The following SRBD1 variants were observed in gnomAD, a reference collection of about 807,000 sequenced individuals.
SRBD1 encodes the protein S1 RNA-binding domain-containing protein 1.
A neutral mutation model predicts 115.3 loss-of-function variants in SRBD1; 88 were observed. The observed-to-expected ratio is 0.76, with a 90% CI of 0.64 to 0.91. The LOEUF (loss-of-function observed/expected upper bound fraction) is 0.91. Ranked by LOEUF, SRBD1 falls within the 40% of genes least tolerant of loss-of-function variation. SRBD1 has a pLI of 0.00. For synonymous variants in SRBD1, 509 were observed against 407.7 expected (o/e 1.25, Z -2.99); for missense variants, 1,385 against 1,177.4 (o/e 1.18, Z -2.58).
At position 45,428,581 on chromosome 2, in the gene SRBD1, A is replaced by AATAAATAC. The variant is rs1176674382; in HGVS notation, c.2050-8688_2050-8687insGTATTTAT. ...AAATAAATAAATAAATAAATAAATAAATACATAAATAAATAAATAAGTTCT... is the reference window on the plus strand; with the variant it reads ...AAATAAATAAATAAATAAATAAATAAATAAATACATACATAAATAAATAAATAAGTTCT... On this transcript the variant is annotated intron_variant, in intron 16 of 20. Transcript: ENST00000263736. Among the ~76,000 whole-genome samples the AATAAATAC allele has an allele frequency of 2.1e-3, 310 of 150,178 alleles. 2 individuals are homozygous for AATAAATAC. The highest frequency in any genetic ancestry group is 7.4e-3 in the African/African-American group (302 of 40,898).
chr2:45,502,631 T>C (rs1337459916), intron 14 of SRBD1, among the ~76,000 whole-genome samples: 1 of 139,778 alleles, frequency 7.2e-6, no homozygotes, highest in Non-Finnish European at 1.5e-5. Context: ...AATTGAACAA[T>C]GAGAACACTT....
intron 14 of SRBD1, among the ~76,000 whole-genome samples, chr2:45,518,263 T>C (rs1269672533): frequency 1.3e-5 from 2 of 152,098 alleles, no homozygotes; most frequent in Non-Finnish European, 2.9e-5. Flanking sequence ...AATATCCAAA[T>C]TTATGTGGAA....
At chr2:45,389,719 G>A in intron 20 of SRBD1, 120 bp from the exon 21 acceptor site, 1 of 1,001,056 alleles carries the variant, frequency 1.0e-6, no homozygotes, top group Middle Eastern at 3.2e-4. Context: ...ATTAAGGGGG[G>A]ATTATAAAAG....
At position 45,477,066 on chromosome 2, in the gene SRBD1, G is replaced by C. The variant is rs753785134; in HGVS notation, c.1976C>G (p.Ala659Gly). 1 of 1,613,460 alleles carries C rather than the reference G, an allele frequency of 6.2e-7. No homozygotes were observed. Among genetic ancestry groups the C allele is most frequent in the Non-Finnish European group, 8.5e-7 (1 of 1,179,818 alleles). ...DPNLRSAVSI[A>G]RRVQDPLAEL... ...AGCTAATGGATCTTGTACACGCCTT[G>C]CTATGGAAACTGAAAAAACAGAATC... The change falls in exon 16 of 21, where the codon GCA (alanine) becomes GGA (glycine). Residue 659 changes from alanine (A) to glycine (G), a missense_variant. Coordinates refer to ENST00000263736, the MANE Select transcript of SRBD1 (RefSeq NM_018079.5).
At chr2:45,543,366 T>C (rs1327747859) in intron 14 of SRBD1, among the ~76,000 whole-genome samples, 8 of 152,200 alleles carry the variant, frequency 5.3e-5, no homozygotes, top group African/African-American at 1.9e-4. Flanking sequence ...TCAGGTTTCC[T>C]GGGGTTTATG....
Position 45,584,224 on chromosome 2 carries a change from C to T in SRBD1, c.815+1384G>A, listed in dbSNP as rs181946225. Among the ~76,000 whole-genome samples, 354 of 152,334 alleles carry T rather than the reference C, an allele frequency of 2.3e-3. 3 individuals carry two copies. In the Middle Eastern group the frequency reaches 0.024, roughly 10 times the overall value. The stretch of plus-strand genomic sequence containing the variant: ...TCTTTTCAGAAACAGGAAGAACCAG[C>T]AAACTGGGCAGACAACCCTGCATGA... On this transcript the variant is annotated intron_variant, in intron 5 of 20. Coordinates refer to ENST00000263736, the MANE Select transcript of SRBD1 (RefSeq NM_018079.5).
chr2:45,601,831 G>A, intron 3 of SRBD1, 72 bp downstream of exon 3: 1 of 1,568,074 alleles, frequency 6.4e-7, no homozygotes. Context: ...GTCCTACTCT[G>A]TAGAATAAGA....
chr2:45,397,694 TC>T (rs1418001835), intron 19 of SRBD1, among the ~76,000 whole-genome samples: 2 of 152,194 alleles, frequency 1.3e-5, no homozygotes, highest in Non-Finnish European at 2.9e-5. Flanking sequence ...GCCTTGGACT[TC>T]CAGGCTGAAG....
intron 14 of SRBD1, among the ~76,000 whole-genome samples, chr2:45,524,434 T>C (rs1379775950): frequency 6.6e-6 from 1 of 151,994 alleles, no homozygotes; most frequent in East Asian, 1.9e-4. Flanking sequence ...TTAGCACTAA[T>C]AAACATGTTC....
rs1672658209 is a variant in SRBD1 at position 45,561,322 on chromosome 2, C to G, written c.1409+1331G>C. ...CACCATATGGATATAACATAATTGG[C>G]TTAAGCAATTTACCTATTGATTAAC... On this transcript the variant is annotated intron_variant, in intron 10 of 20. Transcript: ENST00000263736. 2.0e-5 allele frequency among the ~76,000 whole-genome samples: 3 copies of G among 152,154 alleles called. No individual in the cohort carries two copies. In the South Asian group the frequency reaches 6.2e-4, roughly 32 times the overall value.
At chr2:45,504,390 A>G (rs1424998203) in intron 14 of SRBD1, among the ~76,000 whole-genome samples, 2 of 152,066 alleles carry the variant, frequency 1.3e-5, no homozygotes, top group East Asian at 3.9e-4. Context: ...GTTTTTTGCA[A>G]TTCAAAAAGA....
chr2:45,577,010 G>A (rs1292496513), intron 7 of SRBD1, among the ~76,000 whole-genome samples: 1 of 152,158 alleles, frequency 6.6e-6, no homozygotes, highest in African/African-American at 2.4e-5. Flanking sequence ...AATCATACCA[G>A]GTACTTGTTA....
chr2:45,600,041 A>G (rs1674043902), intron 3 of SRBD1, among the ~76,000 whole-genome samples: 1 of 152,218 alleles, frequency 6.6e-6, no homozygotes, highest in African/African-American at 2.4e-5. Flanking sequence ...TGAAGAGATT[A>G]GAGGTTGGCA....
chr2:45,476,419 A>G (rs1669803906), intron 16 of SRBD1, among the ~76,000 whole-genome samples: 1 of 152,202 alleles, frequency 6.6e-6, no homozygotes, highest in South Asian at 2.1e-4. Context: ...GACAAGGAGG[A>G]AAACAATGTG....
chr2:45,486,066 A>G (rs1026347481), intron 15 of SRBD1, among the ~76,000 whole-genome samples: 3 of 152,244 alleles, frequency 2.0e-5, no homozygotes, highest in Non-Finnish European at 4.4e-5. Flanking sequence ...AATTAGAGTA[A>G]TTAGAATCAT....
In SRBD1 at chr2:45,578,577, T is replaced by G. The variant is rs569151979; in HGVS notation, c.1072+1298A>C. Among the ~76,000 whole-genome samples the G allele has an allele frequency of 2.3e-4, 35 of 152,288 alleles. No individual in the cohort carries two copies. In the Middle Eastern group the frequency reaches 0.01, roughly 44 times the overall value. ...TATGTAAAATAAAAACAGGCTATAG[T>G]ATGCTATAATTTTCTACAGATTAGT... On this transcript the variant is annotated intron_variant, in intron 7 of 20. Transcript: ENST00000263736.
intron 14 of SRBD1, among the ~76,000 whole-genome samples, chr2:45,536,087 T>C (rs1464664436): frequency 1.3e-5 from 2 of 152,042 alleles, no homozygotes; most frequent in African/African-American, 4.8e-5. Flanking sequence ...CTAATCTTTT[T>C]CTGGTTGCAA....
At chr2:45,491,488 T>C (rs185985486) in intron 14 of SRBD1, among the ~76,000 whole-genome samples, 6 of 152,264 alleles carry the variant, frequency 3.9e-5, no homozygotes, top group Non-Finnish European at 7.4e-5. Context: ...TTATAGATTA[T>C]TACAGTACTC....
At chr2:45,546,608 C>A (rs1192724875) in intron 14 of SRBD1, 124 bp downstream of exon 14, 4 of 951,300 alleles carry the variant, frequency 4.2e-6, no homozygotes, top group Non-Finnish European at 6.4e-6. Context: ...CTCATGAACA[C>A]CAAGAGGTGG....
Sources: allele counts gnomAD v4.1 joint callset (sites outside exome capture counted in the v4.1 genomes callset), GRCh38; gene constraint gnomAD v4.1.1; transcripts MANE v1.5; gene names NCBI Gene and HGNC (gene_info 2026-07-23, HGNC 2026-07-21).